MGAT4C: variants seen among roughly 807,000 people sequenced by gnomAD.
MGAT4C encodes the protein MGAT4 family member C, also known as alpha-1,3-mannosyl-glycoprotein 4-beta-N-acetylglucosaminyltransferase C.
A neutral mutation model predicts 40.1 loss-of-function variants in MGAT4C; 19 were observed. The observed-to-expected ratio is 0.47, with a 90% confidence interval of 0.33 to 0.70. The LOEUF (loss-of-function observed/expected upper bound fraction) is 0.70, where lower values mean the gene tolerates loss of function less well. MGAT4C is among the 30% of genes least tolerant of loss of function. The pLI, the probability that MGAT4C is intolerant of heterozygous loss-of-function variation, is 0.02. For missense variants in MGAT4C, 491 were observed against 563.2 expected (o/e 0.87, Z 1.30); for synonymous variants, 181 against 187.1 (o/e 0.97, Z 0.27).
rs1441154888 is a variant in MGAT4C, at chr12:85,964,174, T to G, written c.*15115A>C. On this transcript the variant is annotated 3_prime_UTR_variant, in exon 5 of 5. Transcript: ENST00000611864. ...AGATTATAAAACACCAATGATTAGA[T>G]TATGTTATAAAGACACTATGAAGAG... 2.0e-5 allele frequency: 3 copies of G among 152,110 alleles called. No individual in the cohort carries two copies. The highest frequency in any genetic ancestry group is 7.2e-5 in the African/African-American group (3 of 41,464). 9.4% of individuals were successfully genotyped at this position (152,110 alleles called of 1,614,324 possible). A position where few individuals can be genotyped will look rare whatever the true frequency, so the allele number is the denominator to read the frequency against.
chr12:86,728,567 T>C (rs982858056), intron 1 of MGAT4C, among the ~76,000 whole-genome samples: 1 of 152,104 alleles, frequency 6.6e-6, no homozygotes, highest in Non-Finnish European at 1.5e-5. Context: ...GGCGAGCACC[T>C]GTAGTCCCAG....
intron 2 of MGAT4C, among the ~76,000 whole-genome samples, chr12:86,029,122 TA>T (rs1334842116): frequency 6.6e-6 from 1 of 151,968 alleles, no homozygotes; most frequent in Non-Finnish European, 1.5e-5. Context: ...TGATCTCCGA[TA>T]TTATATACAT....
chr12:86,767,738 G>T (rs1369726078), intron 1 of MGAT4C, among the ~76,000 whole-genome samples: 1 of 152,048 alleles, frequency 6.6e-6, no homozygotes, highest in African/African-American at 2.4e-5. Flanking sequence ...ATGTAATCCA[G>T]CATATAAACA....
chr12:86,710,759 C>A (rs891473584), intron 2 of MGAT4C, among the ~76,000 whole-genome samples: 1 of 152,074 alleles, frequency 6.6e-6, no homozygotes, highest in Non-Finnish European at 1.5e-5. Context: ...CAGCACAATT[C>A]GCAATTGCAA....
chr12:86,655,122 G>T (rs1963811396), intron 2 of MGAT4C, among the ~76,000 whole-genome samples: 1 of 151,900 alleles, frequency 6.6e-6, no homozygotes, highest in Admixed American at 6.6e-5. Flanking sequence ...GTGCCATGTT[G>T]GTTTGCTGCA....
At chr12:86,307,712 A>T (rs892669909) in intron 4 of MGAT4C, among the ~76,000 whole-genome samples, 3 of 149,312 alleles carry the variant, frequency 2.0e-5, no homozygotes, top group African/African-American at 5.1e-5. Context: ...TTATTTATTT[A>T]TTTTTTTTGA....
chr12:86,119,872 T>C (rs560495228), intron 1 of MGAT4C, among the ~76,000 whole-genome samples: 9 of 152,028 alleles, frequency 5.9e-5, no homozygotes, highest in Admixed American at 2.6e-4. Context: ...CTTTTCTTTT[T>C]AATAATATAT....
intron 1 of MGAT4C, among the ~76,000 whole-genome samples, chr12:86,137,113 G>C (rs557056804): frequency 1.3e-5 from 2 of 152,200 alleles, no homozygotes; most frequent in East Asian, 1.9e-4. Context: ...GAATGTCCCA[G>C]AGTCACCTTA....
At position 85,968,608 on chromosome 12, in the gene MGAT4C, C is replaced by A. The variant is rs1883472224; in HGVS notation, c.*10681G>T. On this transcript the variant is annotated 3_prime_UTR_variant, in exon 5 of 5. Coordinates refer to ENST00000611864, the MANE Select transcript of MGAT4C (RefSeq NM_001351288.2). ...GTCATCATGTTTTCTAATCTATAAT[C>A]TTTCAAACTGGATAAATGGGAAGTT... is the stretch of plus-strand genomic sequence containing the variant. 6.6e-6 allele frequency: 1 copy of A among 151,986 alleles called. No homozygotes were observed. Among genetic ancestry groups the A allele is most frequent in the African/African-American group, 2.4e-5 (1 of 41,416 alleles). The allele number at this position is 151,986 out of a possible 1,614,324, so 9.4% of individuals were successfully genotyped here. A position where few individuals can be genotyped will look rare whatever the true frequency, so the allele number is the denominator to read the frequency against.
chr12:86,052,045 T>C (rs1360647439), intron 1 of MGAT4C, among the ~76,000 whole-genome samples: 3 of 151,942 alleles, frequency 2.0e-5, no homozygotes, highest in South Asian at 2.1e-4. Context: ...AAATTTCTAA[T>C]ATTCAAATAT....
chr12:86,410,493 A>G (rs188458459), intron 3 of MGAT4C, among the ~76,000 whole-genome samples: 5 of 152,246 alleles, frequency 3.3e-5, no homozygotes, highest in African/African-American at 1.2e-4. Flanking sequence ...CTGCCCGACC[A>G]CACAGGCGGT....
chr12:86,137,091 G>A (rs916526522), intron 1 of MGAT4C, among the ~76,000 whole-genome samples: 2 of 152,270 alleles, frequency 1.3e-5, no homozygotes, highest in Non-Finnish European at 2.9e-5. Context: ...TTTAGTGTCT[G>A]TCAGGATACC....
intron 1 of MGAT4C, among the ~76,000 whole-genome samples, chr12:86,794,138 GATTT>G (rs1299706235): frequency 1.3e-5 from 2 of 151,570 alleles, no homozygotes; most frequent in African/African-American, 2.4e-5. Flanking sequence ...CATCACCAAT[GATTT>G]ATTTAATATT....
At chr12:86,746,701 C>T (rs181750486) in intron 1 of MGAT4C, among the ~76,000 whole-genome samples, 37 of 151,710 alleles carry the variant, frequency 2.4e-4, no homozygotes, top group Admixed American at 1.4e-3. Context: ...ACATGCTCCT[C>T]GCTCTTCTCT....
At chr12:86,404,045 T>G (rs1319172530) in intron 3 of MGAT4C, among the ~76,000 whole-genome samples, 1 of 152,134 alleles carries the variant, frequency 6.6e-6, no homozygotes, top group Non-Finnish European at 1.5e-5. Context: ...TCACTGGTCA[T>G]GGTGGTGTTC....
chr12:86,076,037 G>C (rs1206135358), intron 1 of MGAT4C, among the ~76,000 whole-genome samples: 1 of 152,188 alleles, frequency 6.6e-6, no homozygotes, highest in East Asian at 1.9e-4. Flanking sequence ...AGGCCACAAA[G>C]TTTGTGAACT....
intron 1 of MGAT4C, among the ~76,000 whole-genome samples, chr12:86,062,186 G>T (rs1894052629): frequency 6.6e-6 from 1 of 152,178 alleles, no homozygotes; most frequent in Non-Finnish European, 1.5e-5. Context: ...GTAACAGGCA[G>T]CAATCTTTGC....
chr12:86,435,903 A>G (rs942436864), intron 2 of MGAT4C, among the ~76,000 whole-genome samples: 1 of 151,888 alleles, frequency 6.6e-6, no homozygotes, highest in African/African-American at 2.4e-5. Context: ...ATTTTTAAAC[A>G]TTCAATATTT....
chr12:86,083,704 A>G (rs968054834), intron 1 of MGAT4C, among the ~76,000 whole-genome samples: 2 of 152,032 alleles, frequency 1.3e-5, no homozygotes, highest in Non-Finnish European at 2.9e-5. Flanking sequence ...GCTTATCACC[A>G]CAATGTTCCT....
Sources: allele counts gnomAD v4.1 joint callset (sites outside exome capture counted in the v4.1 genomes callset), GRCh38; gene constraint gnomAD v4.1.1; transcripts MANE v1.5; gene names NCBI Gene and HGNC (gene_info 2026-07-23, HGNC 2026-07-21).